PLAAT5: variants seen among roughly 807,000 people sequenced by gnomAD.
The protein encoded by PLAAT5 is phospholipase A and acyltransferase 5, also known as Ca(2+)-independent N-acyltransferase.
In PLAAT5, 27 loss-of-function variants were observed where a neutral mutation model predicts 27.8. That is an observed-to-expected ratio of 0.97 (90% CI 0.72 to 1.34). The LOEUF (loss-of-function observed/expected upper bound fraction) is 1.34, where lower values mean the gene tolerates loss of function less well. Ranked by LOEUF, PLAAT5 falls within the 40% of genes most tolerant of loss-of-function variation. The pLI is 0.00. For synonymous variants in PLAAT5, 125 were observed against 136.1 expected (o/e 0.92, Z 0.57); for missense variants, 368 against 343.8 (o/e 1.07, Z -0.56).
chr11:63,466,411 G>T, intron 4 of PLAAT5, 39 bp from the exon 5 acceptor site: 1 of 1,601,020 alleles, frequency 6.2e-7, no homozygotes, highest in Non-Finnish European at 8.5e-7. Context: ...GAAATACAAG[G>T]AGTAGCAAAG....
chr11:63,486,761 GAACTTTTGCATGC>G (rs2016445039), intron 3 of PLAAT5, among the ~76,000 whole-genome samples: 1 of 152,028 alleles, frequency 6.6e-6, no homozygotes, highest in South Asian at 2.1e-4. Context: ...CACCACGAAG[GAACTTTTGCATGC>G]AACCAAACAC....
At chr11:63,489,766 T>C (rs1020985266) in intron 2 of PLAAT5, among the ~76,000 whole-genome samples, 2 of 152,202 alleles carry the variant, frequency 1.3e-5, no homozygotes, top group African/African-American at 4.8e-5. Flanking sequence ...CTTTACCTTT[T>C]CCCATGCTTT....
rs1457734299 is a variant in PLAAT5 at position 63,491,158 on chromosome 11, G to A, written c.-124C>T. 1.2e-6 allele frequency: 1 copy of A among 843,672 alleles called. No homozygotes were observed. Among genetic ancestry groups the A allele is most frequent in the Non-Finnish European group, 1.6e-6 (1 of 608,440 alleles). 52.3% of individuals were successfully genotyped at this position (843,672 alleles called of 1,614,324 possible). ...GCTTGGGCACTGGGGGCGGCTCGGG[G>A]AGGAACCGCGGAGGGGAAAGCGCCG... On this transcript the variant is annotated 5_prime_UTR_variant, in exon 1 of 6. Coordinates refer to ENST00000540857, the MANE Select transcript of PLAAT5 (RefSeq NM_001146729.2).
chr11:63,466,205 T>G lies in PLAAT5; in HGVS notation c.622A>C (p.Lys208Gln). 1.2e-6 allele frequency: 2 copies of G among 1,614,158 alleles called. No individual in the cohort carries two copies. The highest frequency in any genetic ancestry group is 2.7e-5 in the African/African-American group (2 of 75,028). ...TACTGCACGATCTTGTTGACCATCT[T>G]TTTTGTACGCTGGATGATCTTGTCC... ...PVDKIIQRTK[K>Q]MVNKIVQYSL... The change falls in exon 5 of 6, where the codon AAG (lysine) becomes CAG (glutamine). Residue 208 changes from lysine (K) to glutamine (Q), a missense_variant. Lys to Gln is a moderately conservative substitution (Grantham distance 53). Transcript: ENST00000540857.
chr11:63,480,176 A>G (rs1442632404), intron 3 of PLAAT5, among the ~76,000 whole-genome samples: 2 of 152,226 alleles, frequency 1.3e-5, no homozygotes, highest in Admixed American at 6.5e-5. Flanking sequence ...ATAGCCAGTT[A>G]CTTCCCACTC....
chr11:63,463,509 A>T lies in PLAAT5; in HGVS notation c.804T>A (p.Thr268=), dbSNP rs1265451588. The T allele has an allele frequency of 6.2e-7, 1 of 1,612,404 alleles. No homozygotes were observed. The highest frequency in any genetic ancestry group is 1.3e-5 in the African/African-American group (1 of 74,892). ...GCTGGAGTTTTCATCACCTTCAGGCAGTTATTGGTTTGGGCTTTATGCTAT... is the reference window on the plus strand; with the variant it reads ...GCTGGAGTTTTCATCACCTTCAGGCTGTTATTGGTTTGGGCTTTATGCTAT... The part of the protein sequence containing the change: ...VVDSIKPKPI[T]A The change falls in exon 6 of 6, where the codon ACT becomes ACA. Residue 268 remains threonine (T), a synonymous_variant. Transcript: ENST00000540857.
chr11:63,484,858 C>G (rs896061064), intron 3 of PLAAT5, among the ~76,000 whole-genome samples: 1 of 152,106 alleles, frequency 6.6e-6, no homozygotes, highest in Non-Finnish European at 1.5e-5. Context: ...CAAACTGTTG[C>G]TGTTTGCTGA....
At chr11:63,482,584 A>C (rs1213979158) in intron 3 of PLAAT5, among the ~76,000 whole-genome samples, 1 of 152,236 alleles carries the variant, frequency 6.6e-6, no homozygotes, top group African/African-American at 2.4e-5. Flanking sequence ...CACCACAACT[A>C]AGCCAGCACT....
chr11:63,477,866 T>C (rs917455308), intron 3 of PLAAT5, among the ~76,000 whole-genome samples: 2 of 152,218 alleles, frequency 1.3e-5, no homozygotes, highest in African/African-American at 2.4e-5. Context: ...CTTTTGTCAG[T>C]GGATCTCTGT....
chr11:63,465,564 G>A (rs1466199964), intron 5 of PLAAT5, among the ~76,000 whole-genome samples: 1 of 152,024 alleles, frequency 6.6e-6, no homozygotes, highest in Non-Finnish European at 1.5e-5. Context: ...GGTCGAAGTG[G>A]AGGATCACTT....
chr11:63,466,667 C>A (rs2015874646), intron 4 of PLAAT5, among the ~76,000 whole-genome samples: 1 of 152,170 alleles, frequency 6.6e-6, no homozygotes, highest in African/African-American at 2.4e-5. Context: ...TACCCAAGTC[C>A]TAGGATTTGA....
chr11:63,478,380 G>C (rs1276708187), intron 3 of PLAAT5, among the ~76,000 whole-genome samples: 4 of 151,846 alleles, frequency 2.6e-5, no homozygotes, highest in Non-Finnish European at 4.4e-5. Flanking sequence ...GAGTGCAGTG[G>C]CGCGATCTCA....
At chr11:63,464,611 A>G (rs977980278) in intron 5 of PLAAT5, among the ~76,000 whole-genome samples, 5 of 151,894 alleles carry the variant, frequency 3.3e-5, no homozygotes, top group East Asian at 1.9e-4. Flanking sequence ...AGCCGAGATC[A>G]CGCCATCGCA....
chr11:63,465,804 A>G (rs900501969), intron 5 of PLAAT5, among the ~76,000 whole-genome samples: 2 of 152,056 alleles, frequency 1.3e-5, no homozygotes, highest in Non-Finnish European at 2.9e-5. Context: ...GAAAGAGGGG[A>G]AAAAAAGAAA....
At chr11:63,482,730 A>G (rs2016316402) in intron 3 of PLAAT5, among the ~76,000 whole-genome samples, 1 of 152,230 alleles carries the variant, frequency 6.6e-6, no homozygotes, top group Admixed American at 6.5e-5. Flanking sequence ...GGCAACAACT[A>G]GCACAATGAT....
chr11:63,468,846 T>C (rs1462172546), intron 3 of PLAAT5, among the ~76,000 whole-genome samples: 1 of 152,086 alleles, frequency 6.6e-6, no homozygotes, highest in Non-Finnish European at 1.5e-5. Flanking sequence ...GACAAAGGGG[T>C]TCTCCTGCAG....
At chr11:63,476,898 T>C (rs1328141649) in intron 3 of PLAAT5, among the ~76,000 whole-genome samples, 1 of 152,142 alleles carries the variant, frequency 6.6e-6, no homozygotes, top group Non-Finnish European at 1.5e-5. Flanking sequence ...CTCTTCATAC[T>C]AGGTAGTTGC....
chr11:63,464,536 G>A (rs534418108), intron 5 of PLAAT5, among the ~76,000 whole-genome samples: 24 of 152,090 alleles, frequency 1.6e-4, no homozygotes, highest in African/African-American at 5.5e-4. Context: ...TGCACCTGGA[G>A]TCCCAGCTAC....
At chr11:63,463,904 A>G (rs2282480) in intron 5 of PLAAT5, among the ~76,000 whole-genome samples, 19,410 of 152,082 alleles carry the variant, frequency 0.13, 1,822 homozygotes, top group African/African-American at 0.23. Flanking sequence ...TCATTCTACA[A>G]ACAGGGGATC....
Sources: gnomAD v4.1 joint callset for allele counts (sites outside exome capture counted in the v4.1 genomes callset) on GRCh38, gnomAD v4.1.1 for gene constraint, MANE v1.5 for transcripts, NCBI Gene and HGNC (gene_info 2026-07-23, HGNC 2026-07-21) for gene names.